Variants in DLG2 observed in about 807,000 individuals in gnomAD.
DLG2 encodes discs large MAGUK scaffold protein 2.
DLG2 carries 45 observed loss-of-function variants against 132.5 expected under a neutral mutation model. The ratio of observed to expected loss-of-function variants is 0.34; its 90% CI spans 0.27 to 0.44. DLG2 has a LOEUF of 0.44. Ranked by LOEUF, DLG2 falls within the 20% of genes least tolerant of loss-of-function variation. The pLI is 1.00. For synonymous variants in DLG2, 424 were observed against 419.6 expected, an observed-to-expected ratio of 1.01 and a Z score of -0.13; for missense variants, 1,045 against 1,196.9, an observed-to-expected ratio of 0.87 and a Z score of 1.87.
chr11:85,443,960 C>G (rs1328499949), intron 3 of DLG2, among the ~76,000 whole-genome samples: 2 of 152,152 alleles, frequency 1.3e-5, no homozygotes, highest in Non-Finnish European at 2.9e-5. Context: ...TCTTTATATT[C>G]TTCACCAGCC....
intron 19 of DLG2, among the ~76,000 whole-genome samples, chr11:83,595,318 C>A (rs1213317328): frequency 6.6e-6 from 1 of 152,166 alleles, no homozygotes; most frequent in Non-Finnish European, 1.5e-5. Context: ...TTCTCAAAAT[C>A]CAGCTGTGTA....
intron 3 of DLG2, among the ~76,000 whole-genome samples, chr11:85,391,215 C>T (rs2086770237): frequency 6.6e-6 from 1 of 151,958 alleles, no homozygotes; most frequent in African/African-American, 2.4e-5. Flanking sequence ...TGGAAGTATA[C>T]AAATTCCTCC....
At chr11:83,461,281 G>A (rs7935651) in intron 27 of DLG2, among the ~76,000 whole-genome samples, 1 of 152,038 alleles carries the variant, frequency 6.6e-6, no homozygotes, top group African/African-American at 2.4e-5. Context: ...AAAGTGCTGG[G>A]ATTAGAGGCA....
intron 4 of DLG2, among the ~76,000 whole-genome samples, chr11:85,284,197 G>C (rs964354922): frequency 6.6e-6 from 1 of 151,614 alleles, no homozygotes; most frequent in African/African-American, 2.4e-5. Context: ...GCTAAAATTA[G>C]GATGATGCTT....
Position 84,096,131 on chromosome 11 carries a change from T to G in DLG2, c.749+2792A>C, listed in dbSNP as rs966164783. On this transcript the variant is annotated intron_variant, in intron 10 of 27. Coordinates refer to ENST00000376104, the MANE Select transcript of DLG2 (RefSeq NM_001142699.3). ...AGAATACCTAAGCGACATTCAGAAC[T>G]GGATTTTTAATGTGGTCAAAGCTAG... Among the ~76,000 whole-genome samples, 13 of 152,172 alleles carry G rather than the reference T, an allele frequency of 8.5e-5. 1 individual carries two copies. Among genetic ancestry groups the G allele is most frequent in the African/African-American group, 3.1e-4 (13 of 41,448 alleles).
At chr11:85,577,411 A>G (rs2078221201) in intron 3 of DLG2, among the ~76,000 whole-genome samples, 1 of 152,094 alleles carries the variant, frequency 6.6e-6, no homozygotes, top group Admixed American at 6.6e-5. Context: ...AAAATCAGTG[A>G]TGTTGCCTGT....
chr11:84,036,693 T>C (rs1012094846), intron 11 of DLG2, among the ~76,000 whole-genome samples: 1 of 152,162 alleles, frequency 6.6e-6, no homozygotes, highest in Non-Finnish European at 1.5e-5. Context: ...TAAGAAAATC[T>C]TCCAGCTAAA....
chr11:84,963,228 A>G (rs978699597), intron 6 of DLG2, among the ~76,000 whole-genome samples: 1 of 152,230 alleles, frequency 6.6e-6, no homozygotes, highest in East Asian at 1.9e-4. Context: ...GGATGTGTCT[A>G]TGGTAACATA....
At chr11:83,975,185 A>C (rs1238520850) in intron 12 of DLG2, among the ~76,000 whole-genome samples, 1 of 152,050 alleles carries the variant, frequency 6.6e-6, no homozygotes, top group African/African-American at 2.4e-5. Context: ...GAAGTGCTTA[A>C]TAAAGCCAAT....
chr11:84,374,799 T>C (rs2098722580), intron 7 of DLG2, among the ~76,000 whole-genome samples: 1 of 152,160 alleles, frequency 6.6e-6, no homozygotes, highest in Non-Finnish European at 1.5e-5. Context: ...ACATAAACAC[T>C]AGAGTCTAAA....
At chr11:85,280,840 G>C (rs1293854776) in intron 4 of DLG2, among the ~76,000 whole-genome samples, 1 of 151,828 alleles carries the variant, frequency 6.6e-6, no homozygotes, top group East Asian at 1.9e-4. Flanking sequence ...TCAAACCTCG[G>C]AATAGATGCT....
At chr11:85,021,282 G>A (rs1298618210) in intron 6 of DLG2, 5 of 1,282,498 alleles carry the variant, frequency 3.9e-6, no homozygotes, top group Admixed American at 1.7e-5. Context: ...CTGGGTGACT[G>A]TACATCCTAT....
At chr11:83,749,779 T>G (rs912735031) in intron 18 of DLG2, among the ~76,000 whole-genome samples, 1 of 152,156 alleles carries the variant, frequency 6.6e-6, no homozygotes, top group Non-Finnish European at 1.5e-5. Context: ...CTGGGGAAAA[T>G]TGGCAGATAC....
intron 6 of DLG2, among the ~76,000 whole-genome samples, chr11:84,935,748 A>G (rs888352738): frequency 2.6e-5 from 4 of 152,116 alleles, no homozygotes; most frequent in Non-Finnish European, 4.4e-5. Flanking sequence ...CCAGCCCAAA[A>G]CGTCACTAAT....
At chr11:83,516,489 C>T (rs1472346806) in intron 21 of DLG2, among the ~76,000 whole-genome samples, 2 of 152,174 alleles carry the variant, frequency 1.3e-5, no homozygotes, top group East Asian at 3.8e-4. Context: ...ATTTGCCAGT[C>T]TGTGCCTTTT....
chr11:83,575,659 A>G (rs1021446365), intron 19 of DLG2, among the ~76,000 whole-genome samples: 2 of 152,182 alleles, frequency 1.3e-5, no homozygotes, highest in Admixed American at 1.3e-4. Flanking sequence ...AAACTTCACA[A>G]TTCATGGGGC....
chr11:83,832,516 A>T (rs2054844310), intron 17 of DLG2, among the ~76,000 whole-genome samples: 1 of 152,224 alleles, frequency 6.6e-6, no homozygotes, highest in African/African-American at 2.4e-5. Context: ...AGAAAGCCAA[A>T]TACCACATGT....
intron 3 of DLG2, among the ~76,000 whole-genome samples, chr11:85,359,808 T>G (rs1391987869): frequency 6.6e-6 from 1 of 151,498 alleles, no homozygotes; most frequent in Non-Finnish European, 1.5e-5. Context: ...TACAGAGGAG[T>G]AGAATACATT....
At chr11:83,727,122 T>C (rs967904025) in intron 18 of DLG2, among the ~76,000 whole-genome samples, 4 of 152,202 alleles carry the variant, frequency 2.6e-5, no homozygotes, top group African/African-American at 9.6e-5. Context: ...GCAGCTCCTA[T>C]CACTTTTCAA....
Sources: gnomAD v4.1 joint callset for allele counts (sites outside exome capture counted in the v4.1 genomes callset) on GRCh38, gnomAD v4.1.1 for gene constraint, MANE v1.5 for transcripts, NCBI Gene and HGNC (gene_info 2026-07-23, HGNC 2026-07-21) for gene names.